Variants in GNG4 observed in about 807,000 individuals in gnomAD.
The protein encoded by GNG4 is guanine nucleotide-binding protein G(I)/G(S)/G(O) subunit gamma-4.
In GNG4, 4 loss-of-function variants were observed where a neutral mutation model predicts 5.8. The ratio of observed to expected loss-of-function variants is 0.69; its 90% CI spans 0.34 to 1.57. The LOEUF is 1.57. Ranked by LOEUF, GNG4 falls within the 40% of genes most tolerant of loss-of-function variation. The pLI is 0.06. For missense variants in GNG4, 96 were observed against 95.1 expected (o/e 1.01, Z -0.04); for synonymous variants, 29 against 32.9 (o/e 0.88, Z 0.41).
At chr1:235,587,579 GGCGGTGAGTGTGA>G (rs1687829964) in intron 2 of GNG4, among the ~76,000 whole-genome samples, 2 of 51,774 alleles carry the variant, frequency 3.9e-5, no homozygotes, top group South Asian at 1.2e-3. Flanking sequence ...GGTGTGGGGT[GGCGGTGAGTGTGA>G]GTGTGGGAGG....
intron 1 of GNG4, among the ~76,000 whole-genome samples, chr1:235,613,363 C>T (rs370750429): frequency 3.3e-5 from 5 of 152,268 alleles, no homozygotes; most frequent in African/African-American, 1.2e-4. Flanking sequence ...GTGTCCTACT[C>T]CCCAGAACCT....
chr1:235,554,262 G>A (rs756780781), intron 3 of GNG4, among the ~76,000 whole-genome samples: 3 of 152,186 alleles, frequency 2.0e-5, no homozygotes, highest in Non-Finnish European at 2.9e-5. Flanking sequence ...CCCAACTGCT[G>A]GAGTGATGAC....
rs1558507175 is a variant in GNG4 at position 235,642,188 on chromosome 1, CCGAG to C, written c.-123+7470_-123+7473del. 6.6e-6 allele frequency among the ~76,000 whole-genome samples: 1 copy of C among 152,190 alleles called. No homozygotes were observed. Among genetic ancestry groups the C allele is most frequent in the African/African-American group, 2.4e-5 (1 of 41,432 alleles). On this transcript the variant is annotated intron_variant, in intron 1 of 3. Coordinates refer to ENST00000391854, the MANE Select transcript of GNG4 (RefSeq NM_001098722.2). The surrounding 1 kb of genome is among the most constrained non-coding windows in gnomAD (Gnocchi z 4.3). Reference sequence around the variant, plus strand: ...CGAGGCGAACGCAGGGTGGAAGAACCCGAGCGAGGCCCGGCAGGGGCGGGGTGAG... The same window carrying C: ...CGAGGCGAACGCAGGGTGGAAGAACCCGAGGCCCGGCAGGGGCGGGGTGAG...
intron 1 of GNG4, among the ~76,000 whole-genome samples, chr1:235,643,663 C>G (rs1220316763): frequency 1.3e-5 from 2 of 152,196 alleles, no homozygotes; most frequent in African/African-American, 4.8e-5. Context: ...TTGGAAAAGT[C>G]CTTCCATAGC....
chr1:235,590,604 G>A (rs1238249726), intron 2 of GNG4, among the ~76,000 whole-genome samples: 1 of 152,142 alleles, frequency 6.6e-6, no homozygotes, highest in Admixed American at 6.5e-5. Flanking sequence ...TGCTGCCCTC[G>A]GCTCACCCTG....
intron 3 of GNG4, among the ~76,000 whole-genome samples, 200 bp from the exon 4 acceptor site, chr1:235,552,437 G>T (rs1276571357): frequency 6.6e-6 from 1 of 152,158 alleles, no homozygotes; most frequent in East Asian, 1.9e-4. Flanking sequence ...TCCAAGAAGG[G>T]GAGGCTGCCC....
chr1:235,616,496 T>C (rs1688591467), intron 1 of GNG4: 1 of 207,692 alleles, frequency 4.8e-6, no homozygotes, highest in African/African-American at 2.4e-5. Context: ...TGGAAGAGGT[T>C]GTTCCATGAA....
intron 2 of GNG4, among the ~76,000 whole-genome samples, chr1:235,590,381 G>C (rs2102950460): frequency 6.6e-6 from 1 of 152,184 alleles, no homozygotes. Context: ...CTTGAACCTG[G>C]AAGGCAGAGA....
intron 3 of GNG4, among the ~76,000 whole-genome samples, chr1:235,580,739 G>T (rs1199422394): frequency 3.5e-4 from 34 of 98,004 alleles, no homozygotes; most frequent in East Asian, 7.0e-4. Flanking sequence ...GGCCTATCCC[G>T]TTTTTTGTTT....
chr1:235,585,138 C>A (rs936301682), intron 2 of GNG4, among the ~76,000 whole-genome samples: 1 of 151,784 alleles, frequency 6.6e-6, no homozygotes, highest in Non-Finnish European at 1.5e-5. Context: ...CCCTTCCTCC[C>A]TCCCTCTGGT....
At chr1:235,558,802 A>T (rs1327152920) in intron 3 of GNG4, among the ~76,000 whole-genome samples, 1 of 152,210 alleles carries the variant, frequency 6.6e-6, no homozygotes, top group Non-Finnish European at 1.5e-5. Context: ...AAATGCCTGG[A>T]GCATCTCTGT....
chr1:235,609,589 T>C (rs1688434239), intron 1 of GNG4, among the ~76,000 whole-genome samples: 2 of 152,068 alleles, frequency 1.3e-5, no homozygotes, highest in African/African-American at 4.8e-5. Context: ...ACAATTCAAG[T>C]TTTCAGAAAG....
intron 1 of GNG4, among the ~76,000 whole-genome samples, chr1:235,638,720 T>C (rs539792158): frequency 3.9e-5 from 6 of 152,322 alleles, no homozygotes; most frequent in Non-Finnish European, 7.4e-5. Context: ...GTGTTCTCAT[T>C]GTTCAACTCC....
chr1:235,635,917 C>T (rs1190051947), intron 1 of GNG4, among the ~76,000 whole-genome samples: 1 of 152,242 alleles, frequency 6.6e-6, no homozygotes. Context: ...AGACCCCTTG[C>T]AGTGGCTCTG....
intron 1 of GNG4, among the ~76,000 whole-genome samples, chr1:235,639,172 C>T (rs1367047616): frequency 2.6e-5 from 4 of 152,158 alleles, no homozygotes. Flanking sequence ...AGGATCTTTC[C>T]GTTAATCACA....
At chr1:235,587,602 G>GGT (rs1558486344) in intron 2 of GNG4, among the ~76,000 whole-genome samples, 1 of 124,154 alleles carries the variant, frequency 8.1e-6, no homozygotes. Flanking sequence ...AGTGTGGGAG[G>GGT]GCATGGGGTG....
intron 1 of GNG4, among the ~76,000 whole-genome samples, chr1:235,646,771 T>C (rs1657522045): frequency 6.6e-6 from 1 of 152,232 alleles, no homozygotes. Flanking sequence ...CAGCCACCAT[T>C]CAGTCTAACA....
intron 1 of GNG4, among the ~76,000 whole-genome samples, chr1:235,631,488 G>A (rs951789878): frequency 4.6e-5 from 7 of 152,248 alleles, no homozygotes; most frequent in African/African-American, 1.7e-4. Flanking sequence ...GCTCTGAGCG[G>A]AGGCTCGGTG....
intron 1 of GNG4, chr1:235,616,232 A>G: frequency 1.9e-6 from 1 of 515,478 alleles, no homozygotes; most frequent in Non-Finnish European, 3.9e-6. Context: ...AATGTTCTTG[A>G]ATATTGCTGT....
Sources: allele counts gnomAD v4.1 joint callset (sites outside exome capture counted in the v4.1 genomes callset), GRCh38; gene constraint gnomAD v4.1.1; non-coding constraint Gnocchi (gnomAD v3.1); transcripts MANE v1.5; gene names NCBI Gene and HGNC (gene_info 2026-07-23, HGNC 2026-07-21).